Variants in MOBP observed in about 807,000 individuals in gnomAD.
The protein encoded by MOBP is myelin-associated oligodendrocyte basic protein.
In MOBP, 5 loss-of-function variants were observed where a neutral mutation model predicts 15.0. That is an observed-to-expected ratio of 0.33 (90% CI 0.17 to 0.70). The LOEUF (loss-of-function observed/expected upper bound fraction) is 0.70, where lower values mean the gene tolerates loss of function less well. Among genes scored for constraint, MOBP ranks in the 30% least tolerant of loss-of-function variants. The pLI is 0.67. For missense variants in MOBP, 188 were observed against 257.8 expected (o/e 0.73, Z 1.85); for synonymous variants, 88 against 99.0 (o/e 0.89, Z 0.66).
intron 2 of MOBP, among the ~76,000 whole-genome samples, chr3:39,491,434 C>G (rs1037562088): frequency 2.6e-5 from 4 of 152,170 alleles, no homozygotes; most frequent in African/African-American, 4.8e-5. Context: ...GGAAGAGTGC[C>G]TGACTTACAG....
downstream of MOBP, chr3:39,527,398 G>A (rs1310729622): frequency 6.6e-6 from 1 of 150,938 alleles, no homozygotes; most frequent in South Asian, 2.1e-4. Context: ...AGTAGTATTT[G>A]TCTAGATTCA....
chr3:39,526,230 T>A (rs543075889), downstream of MOBP: 1 of 152,324 alleles, frequency 6.6e-6, no homozygotes, highest in South Asian at 2.1e-4. Context: ...TGCTATGGAA[T>A]GATTGTGGAG....
chr3:39,493,974 A>G (rs1408807721), intron 2 of MOBP, among the ~76,000 whole-genome samples: 2 of 152,186 alleles, frequency 1.3e-5, no homozygotes, highest in Non-Finnish European at 2.9e-5. Flanking sequence ...CTTCTTGAAT[A>G]AAAAGCCTTA....
Position 39,468,019 on chromosome 3 carries a change from G to T in MOBP, c.-89+279G>T, listed in dbSNP as rs114094699. Among the ~76,000 whole-genome samples the T allele has an allele frequency of 2.0e-3, 308 of 152,040 alleles. 1 individual carries two copies. The highest frequency in any genetic ancestry group is 7.1e-3 in the African/African-American group (296 of 41,476). On this transcript the variant is annotated intron_variant, in intron 1 of 3. Coordinates refer to ENST00000684792, the MANE Select transcript of MOBP (RefSeq NM_001393704.1). ...CTGAGCCCTTACTCAGATTTCCTCA[G>T]ATTCAAAGCCCCATGTTCCTGGAGC... is the stretch of plus-strand genomic sequence containing the variant.
At position 39,482,364 on chromosome 3, in the gene MOBP, C is replaced by G. The variant is rs531956065; in HGVS notation, c.-5+2241C>G. On this transcript the variant is annotated intron_variant, in intron 2 of 3. Transcript: ENST00000684792. The stretch of plus-strand genomic sequence containing the variant: ...ATGGAAGTGATCTTACAAAAACGCA[C>G]CTCTGGGTCGGGCACGGTGGCTCAT... 4.6e-5 allele frequency among the ~76,000 whole-genome samples: 7 copies of G among 152,252 alleles called. No individual in the cohort carries two copies. The East Asian group carries it at 1.4e-3, about 29-fold the overall frequency.
chr3:39,489,616 T>A (rs1022459778), intron 2 of MOBP, among the ~76,000 whole-genome samples: 1 of 152,086 alleles, frequency 6.6e-6, no homozygotes, highest in Non-Finnish European at 1.5e-5. Flanking sequence ...GTCTTAAAAT[T>A]AGCACCAAGA....
intron 1 of MOBP, among the ~76,000 whole-genome samples, chr3:39,472,867 A>G (rs970748953): frequency 2.0e-5 from 3 of 152,210 alleles, no homozygotes; most frequent in African/African-American, 7.2e-5. Flanking sequence ...TCAAGGCAGT[A>G]TGAAGACATA....
intron 2 of MOBP, among the ~76,000 whole-genome samples, chr3:39,482,828 A>G (rs2042648000): frequency 6.6e-6 from 1 of 151,842 alleles, no homozygotes; most frequent in Non-Finnish European, 1.5e-5. Flanking sequence ...TCTTATATAC[A>G]TTGTTACAGC....
downstream of MOBP, chr3:39,503,130 C>T (rs1350768857): frequency 3.0e-5 from 14 of 460,882 alleles, no homozygotes; most frequent in African/African-American, 2.8e-4. Context: ...AGTTGTTAAT[C>T]TATCAATTGA....
downstream of MOBP, among the ~76,000 whole-genome samples, chr3:39,504,079 G>A (rs1452759663): frequency 6.6e-6 from 1 of 152,212 alleles, no homozygotes; most frequent in East Asian, 1.9e-4. Context: ...GTAAAGAAAT[G>A]TGGAGAGTGA....
intron 1 of MOBP, among the ~76,000 whole-genome samples, chr3:39,468,963 T>C (rs892844366): frequency 1.9e-5 from 2 of 106,274 alleles, no homozygotes. Context: ...TATATACATA[T>C]GTGTGTGTAT....
In MOBP at chr3:39,467,758, G is replaced by A. The variant is rs989379537; in HGVS notation, c.-89+18G>A. The A allele has an allele frequency of 2.0e-5, 3 of 152,118 alleles. No homozygotes were observed. The highest frequency in any genetic ancestry group is 4.8e-5 in the African/African-American group (2 of 41,414). 9.4% of individuals were successfully genotyped at this position (152,118 alleles called of 1,614,324 possible). ...ATTTGAAGGTAAGAGGATTCCATTG[G>A]TTTTTATTTTACTTCATTTTATACT... is the stretch of plus-strand genomic sequence containing the variant. On this transcript the variant is annotated intron_variant, in intron 1 of 3. Transcript: ENST00000684792.
downstream of MOBP, among the ~76,000 whole-genome samples, chr3:39,516,539 C>T (rs1307105201): frequency 6.6e-6 from 1 of 152,078 alleles, no homozygotes; most frequent in Non-Finnish European, 1.5e-5. Context: ...ATGAGGTGGC[C>T]TGTTCACAAT....
chr3:39,502,305 G>A lies in MOBP; in HGVS notation c.206+30G>A, dbSNP rs752504166. The A allele has an allele frequency of 5.0e-6, 8 of 1,613,004 alleles. No homozygotes were observed. Among genetic ancestry groups the A allele is most frequent in the Non-Finnish European group, 6.8e-6 (8 of 1,179,644 alleles). ...GCGGCCGCCCAGCCCCGCGGCACCA[G>A]TTGGGCACAGCGCGTGGTCTCGGCT... On this transcript the variant is annotated intron_variant, in intron 3 of 3. Transcript: ENST00000684792. This position sits in a 1 kb window ranked among gnomAD's most constrained non-coding sequence, Gnocchi z 6.3.
At chr3:39,484,194 A>C (rs562209375) in intron 2 of MOBP, among the ~76,000 whole-genome samples, 7 of 152,354 alleles carry the variant, frequency 4.6e-5, no homozygotes, top group Non-Finnish European at 7.3e-5. Flanking sequence ...GTTAAGGATG[A>C]ATAGGTATTT....
At chr3:39,477,593 A>T (rs968471400) in intron 1 of MOBP, among the ~76,000 whole-genome samples, 1 of 151,142 alleles carries the variant, frequency 6.6e-6, no homozygotes, top group Non-Finnish European at 1.5e-5. Context: ...GTTATTTTAG[A>T]GTGTGCTCCT....
intron 1 of MOBP, among the ~76,000 whole-genome samples, chr3:39,469,309 CAT>C (rs1309625884): frequency 4.5e-5 from 6 of 131,952 alleles, no homozygotes; most frequent in Admixed American, 8.0e-5. Flanking sequence ...TATATATACA[CAT>C]ATTTATATCT....
intron 1 of MOBP, among the ~76,000 whole-genome samples, chr3:39,475,672 C>A (rs2042535835): frequency 6.6e-6 from 1 of 152,036 alleles, no homozygotes; most frequent in Admixed American, 6.6e-5. Flanking sequence ...CAATACTATT[C>A]TTATTTACCT....
At chr3:39,492,679 C>G (rs543551166) in intron 2 of MOBP, among the ~76,000 whole-genome samples, 2 of 152,166 alleles carry the variant, frequency 1.3e-5, no homozygotes, top group Non-Finnish European at 2.9e-5. Flanking sequence ...ATATATTAAA[C>G]ATCCCATTCC....
Sources: allele counts gnomAD v4.1 joint callset (sites outside exome capture counted in the v4.1 genomes callset), GRCh38; gene constraint gnomAD v4.1.1; non-coding constraint Gnocchi (gnomAD v3.1); transcripts MANE v1.5; gene names NCBI Gene and HGNC (gene_info 2026-07-23, HGNC 2026-07-21).